Variants in PTPRO observed in about 807,000 individuals in gnomAD.
PTPRO encodes receptor-type tyrosine-protein phosphatase O.
In PTPRO, 62 loss-of-function variants were observed where a neutral mutation model predicts 145.2. The ratio of observed to expected loss-of-function variants is 0.43; its 90% CI spans 0.35 to 0.53. The LOEUF is 0.53. Ranked by LOEUF, PTPRO falls within the 20% of genes least tolerant of loss-of-function variation. The pLI is 0.01. For missense variants in PTPRO, 1,345 were observed against 1,482.7 expected (o/e 0.91, Z 1.53); for synonymous variants, 565 against 514.7 (o/e 1.10, Z -1.32).
rs1313693233 is a variant in PTPRO, at chr12:15,513,207, AAG to A, written c.1465-2289_1465-2288del. Among the ~76,000 whole-genome samples, 22 of 113,166 alleles carry A rather than the reference AAG, an allele frequency of 1.9e-4. 1 individual carries two copies. The highest frequency in any genetic ancestry group is 9.5e-4 in the African/African-American group (21 of 22,180). 74.2% of individuals were successfully genotyped at this position (113,166 alleles called of 152,430 possible). A position where few individuals can be genotyped will look rare whatever the true frequency, so the allele number is the denominator to read the frequency against. On this transcript the variant is annotated intron_variant, in intron 7 of 26. Transcript: ENST00000281171. The stretch of plus-strand genomic sequence containing the variant: ...AAAGAAAGAAAGAAAGAAAGAAAGA[AAG>A]AAAGAAAGAAAGAAAGAAAAGAAAG...
chr12:15,469,702 G>A (rs560640675), intron 1 of PTPRO, among the ~76,000 whole-genome samples: 2 of 130,688 alleles, frequency 1.5e-5, no homozygotes, highest in South Asian at 4.9e-4. Context: ...ACTGATTACT[G>A]AATAAATAGA....
In PTPRO at chr12:15,444,413, T is replaced by C. The variant is rs367687774; in HGVS notation, c.76-39561T>C. On this transcript the variant is annotated intron_variant, in intron 1 of 26. Coordinates refer to ENST00000281171, the MANE Select transcript of PTPRO (RefSeq NM_030667.3). ...GATTAATACCTAGGTAATGGGATCA[T>C]TTGTATCCCAAACCTCAGCATCACA... Among the ~76,000 whole-genome samples the C allele has an allele frequency of 1.7e-3, 263 of 152,212 alleles. 1 individual carries two copies. The highest frequency in any genetic ancestry group is 6.0e-3 in the African/African-American group (251 of 41,542).
intron 1 of PTPRO, among the ~76,000 whole-genome samples, chr12:15,428,022 G>C (rs988119991): frequency 2.0e-5 from 3 of 152,100 alleles, no homozygotes; most frequent in Non-Finnish European, 4.4e-5. Flanking sequence ...TGTTATGAAA[G>C]GCTGGTTTTG....
chr12:15,332,031 T>C (rs1171885790), intron 1 of PTPRO, among the ~76,000 whole-genome samples: 1 of 148,578 alleles, frequency 6.7e-6, no homozygotes, highest in Non-Finnish European at 1.5e-5. Flanking sequence ...AGTGACATGA[T>C]CTAGGCTCAC....
chr12:15,422,922 C>T (rs181523558), intron 1 of PTPRO, among the ~76,000 whole-genome samples: 2 of 152,168 alleles, frequency 1.3e-5, no homozygotes, highest in Admixed American at 6.6e-5. Context: ...GAGATTGTCA[C>T]ATCTATCAAT....
intron 1 of PTPRO, among the ~76,000 whole-genome samples, chr12:15,325,017 T>G (rs1171147297): frequency 3.9e-5 from 6 of 152,188 alleles, no homozygotes; most frequent in Non-Finnish European, 7.3e-5. Flanking sequence ...CATTATTAAA[T>G]ACCAAACTGC....
intron 1 of PTPRO, among the ~76,000 whole-genome samples, chr12:15,362,174 T>C (rs1938230800): frequency 1.3e-5 from 2 of 152,232 alleles, no homozygotes; most frequent in Admixed American, 1.3e-4. Flanking sequence ...CATACTGCTA[T>C]TGAATCCCAT....
At chr12:15,444,422 C>A (rs1940849465) in intron 1 of PTPRO, among the ~76,000 whole-genome samples, 1 of 151,866 alleles carries the variant, frequency 6.6e-6, no homozygotes, top group Non-Finnish European at 1.5e-5. Context: ...ATTTGTATCC[C>A]AAACCTCAGC....
intron 25 of PTPRO, among the ~76,000 whole-genome samples, chr12:15,591,293 C>A (rs571421481): frequency 7.9e-5 from 12 of 152,054 alleles, no homozygotes; most frequent in Non-Finnish European, 1.5e-4. Context: ...GTTGCTTGAA[C>A]CCAGGAGACG....
At chr12:15,474,350 G>A (rs929298467) in intron 1 of PTPRO, among the ~76,000 whole-genome samples, 2 of 152,062 alleles carry the variant, frequency 1.3e-5, no homozygotes, top group East Asian at 1.9e-4. Context: ...TTCTCTCCCC[G>A]AAGACTGCTT....
chr12:15,393,128 A>G (rs1387389787), intron 1 of PTPRO, among the ~76,000 whole-genome samples: 1 of 152,174 alleles, frequency 6.6e-6, no homozygotes, highest in Non-Finnish European at 1.5e-5. Flanking sequence ...CCCTATTGTT[A>G]TCTTTGAAGT....
chr12:15,550,634 C>G (rs1158444844), intron 14 of PTPRO, among the ~76,000 whole-genome samples: 3 of 152,188 alleles, frequency 2.0e-5, no homozygotes, highest in Non-Finnish European at 4.4e-5. Flanking sequence ...CTCTTCTGAT[C>G]ATGCGTCCAT....
intron 2 of PTPRO, among the ~76,000 whole-genome samples, chr12:15,491,790 T>C (rs1431489281): frequency 2.0e-5 from 3 of 152,092 alleles, no homozygotes; most frequent in Non-Finnish European, 4.4e-5. Flanking sequence ...AGCAGGGAAA[T>C]GGGCTGAAGT....
At chr12:15,433,000 T>G (rs1362349793) in intron 1 of PTPRO, among the ~76,000 whole-genome samples, 1 of 152,044 alleles carries the variant, frequency 6.6e-6, no homozygotes, top group African/African-American at 2.4e-5. Context: ...TTGTTGTTGT[T>G]GTTGTTATTG....
intron 7 of PTPRO, among the ~76,000 whole-genome samples, chr12:15,514,464 A>G (rs1255373077): frequency 9.9e-5 from 14 of 141,404 alleles, no homozygotes; most frequent in Admixed American, 2.1e-4. Flanking sequence ...AAAAAAAAAA[A>G]AAAAAAAAAG....
chr12:15,535,304 G>T (rs916580699), intron 12 of PTPRO, among the ~76,000 whole-genome samples: 1 of 152,138 alleles, frequency 6.6e-6, no homozygotes, highest in East Asian at 1.9e-4. Flanking sequence ...AGTAAAGACA[G>T]GGAAGAAAAG....
Position 15,508,588 on chromosome 12 carries a change from A to C in PTPRO, c.1285A>C (p.Ile429Leu). Reference protein sequence around the residue: ...SFYISPSGEWIEELTEKPQHV... With the variant: ...SFYISPSGEWLEELTEKPQHV... ...ATGTGCAGGTCCTTCAGGAGAGTGGATTGAAGAACTGACCGAGAAGCCGCA... is the reference window on the plus strand; with the variant it reads ...ATGTGCAGGTCCTTCAGGAGAGTGGCTTGAAGAACTGACCGAGAAGCCGCA... The change falls in exon 7 of 27, where the codon ATT (isoleucine) becomes CTT (leucine). Residue 429 changes from isoleucine to leucine, a missense_variant. By Grantham distance (5) the Ile-to-Leu change is conservative. Transcript: ENST00000281171. 6.2e-7 allele frequency: 1 copy of C among 1,614,036 alleles called. No homozygotes were observed.
chr12:15,352,931 G>A (rs186743583), intron 1 of PTPRO, among the ~76,000 whole-genome samples: 24 of 152,216 alleles, frequency 1.6e-4, no homozygotes, highest in African/African-American at 5.5e-4. Context: ...TGTCTTATAT[G>A]TCAATATATC....
chr12:15,331,802 G>C (rs1273640073), intron 1 of PTPRO, among the ~76,000 whole-genome samples: 1 of 152,040 alleles, frequency 6.6e-6, no homozygotes, highest in African/African-American at 2.4e-5. Context: ...GAAATTATTA[G>C]TTTAACTTTG....
Sources: allele counts gnomAD v4.1 joint callset (sites outside exome capture counted in the v4.1 genomes callset), GRCh38; gene constraint gnomAD v4.1.1; transcripts MANE v1.5; gene names NCBI Gene and HGNC (gene_info 2026-07-23, HGNC 2026-07-21).